Variants in DOCK3 observed in about 807,000 individuals in gnomAD.
The protein encoded by DOCK3 is dedicator of cytokinesis 3.
DOCK3 carries 60 observed loss-of-function variants against 265.6 expected under a neutral mutation model. That is an observed-to-expected ratio of 0.23 (90% CI 0.18 to 0.28). The LOEUF (loss-of-function observed/expected upper bound fraction) is 0.28, where lower values mean the gene tolerates loss of function less well. Among genes scored for constraint, DOCK3 ranks in the 10% least tolerant of loss-of-function variants. The pLI, the probability that DOCK3 is intolerant of heterozygous loss-of-function variation, is 1.00. For missense variants in DOCK3, 1,981 were observed against 2,594.3 expected (o/e 0.76, Z 5.14); for synonymous variants, 881 against 938.0 (o/e 0.94, Z 1.11).
chr3:50,798,982 C>G (rs2042933426), intron 2 of DOCK3, among the ~76,000 whole-genome samples: 1 of 152,026 alleles, frequency 6.6e-6, no homozygotes, highest in African/African-American at 2.4e-5. Flanking sequence ...AAAAATGGTC[C>G]TTTTGCCAAT....
chr3:50,970,947 A>AGT (rs1559878895), intron 5 of DOCK3, among the ~76,000 whole-genome samples: 5 of 53,304 alleles, frequency 9.4e-5, no homozygotes, highest in Non-Finnish European at 1.7e-4. Flanking sequence ...ATATATATAT[A>AGT]ATGTGTGTGT....
intron 38 of DOCK3, among the ~76,000 whole-genome samples, chr3:51,341,612 TAG>T (rs1449603916): frequency 2.0e-5 from 3 of 152,246 alleles, no homozygotes; most frequent in African/African-American, 7.2e-5. Context: ...TTGTAGGTGT[TAG>T]AGACTACCCT....
chr3:50,983,776 T>C (rs1016734637), intron 5 of DOCK3, among the ~76,000 whole-genome samples: 7 of 152,160 alleles, frequency 4.6e-5, no homozygotes, highest in Non-Finnish European at 8.8e-5. Flanking sequence ...CTAAAAGAGC[T>C]ATAACACAAA....
At position 51,180,225 on chromosome 3, in the gene DOCK3, A is replaced by ACAC. The variant is rs58463671; in HGVS notation, c.1037+19523_1037+19524insCAC. ...CCTGTCTCAAAAAAAAAAAAAAAAA[A>ACAC]ACACACACACACACACAAGTGCCAC... On this transcript the variant is annotated intron_variant, in intron 12 of 52. Transcript: ENST00000266037. Among the ~76,000 whole-genome samples, 149 of 145,574 alleles carry ACAC rather than the reference A, an allele frequency of 1.0e-3. 1 individual carries two copies. Among genetic ancestry groups the ACAC allele is most frequent in the Middle Eastern group, 3.5e-3 (1 of 288 alleles).
intron 4 of DOCK3, among the ~76,000 whole-genome samples, chr3:50,923,507 TG>T (rs1244056731): frequency 6.6e-6 from 1 of 152,248 alleles, no homozygotes; most frequent in Admixed American, 6.5e-5. Context: ...AGTTTTATAA[TG>T]TTTCTCTTTT....
intron 31 of DOCK3, among the ~76,000 whole-genome samples, chr3:51,313,397 A>G (rs1221486999): frequency 2.6e-5 from 4 of 152,236 alleles, no homozygotes; most frequent in Non-Finnish European, 5.9e-5. Flanking sequence ...AGTAACATAT[A>G]AGAAGAGAAC....
At chr3:50,717,116 T>C (rs963211973) in intron 1 of DOCK3, among the ~76,000 whole-genome samples, 15 of 152,244 alleles carry the variant, frequency 9.9e-5, no homozygotes, top group Non-Finnish European at 1.9e-4. Context: ...TTCTAGTACA[T>C]GGATATGCCA....
At chr3:51,032,049 A>G (rs2080071151) in intron 5 of DOCK3, among the ~76,000 whole-genome samples, 1 of 152,146 alleles carries the variant, frequency 6.6e-6, no homozygotes, top group Non-Finnish European at 1.5e-5. Flanking sequence ...ATTAAATGAA[A>G]CTAAGACACC....
intron 35 of DOCK3, among the ~76,000 whole-genome samples, chr3:51,334,141 C>T (rs2084708643): frequency 6.6e-6 from 1 of 152,198 alleles, no homozygotes. Flanking sequence ...CTGCTGCACC[C>T]AGCCAGAATT....
intron 5 of DOCK3, among the ~76,000 whole-genome samples, chr3:51,047,269 A>AC (rs1553744407): frequency 8.0e-6 from 1 of 124,528 alleles, no homozygotes; most frequent in Non-Finnish European, 1.6e-5. Context: ...AGGTTGGGGG[A>AC]GGGGGAGGGA....
chr3:51,322,539 A>G (rs1200565332), intron 32 of DOCK3, among the ~76,000 whole-genome samples: 1 of 152,176 alleles, frequency 6.6e-6, no homozygotes, highest in Non-Finnish European at 1.5e-5. Flanking sequence ...AGAATTTCGT[A>G]TCCAGCCAAA....
At chr3:50,744,462 C>A (rs1197713276) in intron 1 of DOCK3, among the ~76,000 whole-genome samples, 2 of 150,212 alleles carry the variant, frequency 1.3e-5, no homozygotes, top group Admixed American at 1.3e-4. Context: ...TGAGGCAGAG[C>A]CTCACTTTGT....
At chr3:51,099,555 T>C (rs896321907) in intron 9 of DOCK3, among the ~76,000 whole-genome samples, 3 of 152,040 alleles carry the variant, frequency 2.0e-5, no homozygotes, top group Non-Finnish European at 2.9e-5. Context: ...ATCAAAAAAA[T>C]CCTCTGTGAG....
At chr3:51,298,177 A>G (rs2082202298) in intron 27 of DOCK3, among the ~76,000 whole-genome samples, 1 of 152,200 alleles carries the variant, frequency 6.6e-6, no homozygotes, top group South Asian at 2.1e-4. Flanking sequence ...GAACTTTGGT[A>G]GCTTGTAACT....
At chr3:51,032,644 A>C (rs1307733079) in intron 5 of DOCK3, among the ~76,000 whole-genome samples, 1 of 152,164 alleles carries the variant, frequency 6.6e-6, no homozygotes, top group Non-Finnish European at 1.5e-5. Context: ...ACAGTGGCTA[A>C]CATCTATAAT....
At chr3:51,159,361 T>C in intron 11 of DOCK3, 57 bp downstream of exon 11, 1 of 1,518,014 alleles carries the variant, frequency 6.6e-7, no homozygotes, top group Non-Finnish European at 9.1e-7. Flanking sequence ...GGGATAAGTA[T>C]GTCTTGTGCA....
At chr3:50,930,097 A>G (rs773247353) in intron 4 of DOCK3, among the ~76,000 whole-genome samples, 29 of 152,246 alleles carry the variant, frequency 1.9e-4, no homozygotes, top group African/African-American at 9.6e-5. Context: ...CCAAATTATC[A>G]TAAGTCCTAC....
intron 5 of DOCK3, among the ~76,000 whole-genome samples, chr3:51,021,797 G>C (rs1188226488): frequency 6.6e-6 from 1 of 152,008 alleles, no homozygotes; most frequent in Non-Finnish European, 1.5e-5. Context: ...GAGTAGCTGG[G>C]ATTACAGGTG....
At chr3:50,745,817 A>G (rs1049518318) in intron 1 of DOCK3, among the ~76,000 whole-genome samples, 1 of 152,230 alleles carries the variant, frequency 6.6e-6, no homozygotes, top group Non-Finnish European at 1.5e-5. Context: ...CGTGGTTGTT[A>G]TAAGTGTCCA....
Sources: allele counts gnomAD v4.1 joint callset (sites outside exome capture counted in the v4.1 genomes callset), GRCh38; gene constraint gnomAD v4.1.1; transcripts MANE v1.5; gene names NCBI Gene and HGNC (gene_info 2026-07-23, HGNC 2026-07-21).